The following MAN2B1 variants were observed in gnomAD, a reference collection of about 807,000 sequenced individuals.
MAN2B1 encodes the protein lysosomal alpha-mannosidase.
A neutral mutation model predicts 127.5 loss-of-function variants in MAN2B1; 99 were observed. That is an observed-to-expected ratio of 0.78 (90% CI 0.66 to 0.92). The LOEUF is 0.92. Ranked by LOEUF, MAN2B1 falls within the 40% of genes least tolerant of loss-of-function variation. The pLI is 0.00. For missense variants in MAN2B1, 1,304 were observed against 1,384.8 expected, an observed-to-expected ratio of 0.94 and a Z score of 0.93; for synonymous variants, 573 against 568.8, an observed-to-expected ratio of 1.01 and a Z score of -0.11.
rs896029570 is a variant in MAN2B1 at position 12,652,372 on chromosome 19, G to A, written c.1919C>T (p.Thr640Ile). Residue 640 changes from threonine to isoleucine, a missense_variant, in exon 15 of 24, where the codon ACC (threonine) becomes ATC (isoleucine). Physicochemically the swap from Thr to Ile is moderately conservative, Grantham distance 89 (BLOSUM62 -1). Transcript: ENST00000456935. The stretch of plus-strand genomic sequence containing the variant: ...GGTGATCTTCCCTTACCAGAAGAAG[G>A]TCTGGCGAACAGGCAGCAGGAGTTG... ...NQQLLLPVRQ[T>I]FFWYNASIGD... The A allele has an allele frequency of 5.6e-6, 9 of 1,613,848 alleles. No individual in the cohort carries two copies. Among genetic ancestry groups the A allele is most frequent in the South Asian group, 3.3e-5 (3 of 91,082 alleles).
At position 12,664,856 on chromosome 19, in the gene MAN2B1, G is replaced by C. The variant is rs1363834626; in HGVS notation, c.566C>G (p.Pro189Arg). 1 of 1,613,846 alleles carries C rather than the reference G, an allele frequency of 6.2e-7. No homozygotes were observed. The highest frequency in any genetic ancestry group is 8.5e-7 in the Non-Finnish European group (1 of 1,179,966). Residue 189 changes from proline (P) to arginine (R), a missense_variant, in exon 4 of 24, where the codon CCC (proline) becomes CGC (arginine). Physicochemically the swap from Pro to Arg is moderately radical, Grantham distance 103. Coordinates refer to ENST00000456935, the MANE Select transcript of MAN2B1 (RefSeq NM_000528.4). Reference sequence around the variant, plus strand: ...GGGGTCAATGTGCCAGGCCACACGGGGTCGCCCATCATTGCCAAATGTGTC... The same window carrying C: ...GGGGTCAATGTGCCAGGCCACACGGCGTCGCCCATCATTGCCAAATGTGTC... ...LEDTFGNDGR[P>R]RVAWHIDPFG...
At chr19:12,652,616 C>G (rs951901174) in intron 14 of MAN2B1, among the ~76,000 whole-genome samples, 156 bp from the exon 15 acceptor site, 16 of 151,486 alleles carry the variant, frequency 1.1e-4, no homozygotes, top group East Asian at 3.9e-4. Context: ...ACTGCACCCC[C>G]CACCTCCCGG....
chr19:12,649,371 G>A lies in MAN2B1; in HGVS notation c.2325C>T (p.Tyr775=). 2 of 1,612,678 alleles carry A rather than the reference G, an allele frequency of 1.2e-6. No homozygotes were observed. The highest frequency in any genetic ancestry group is 1.7e-6 in the Non-Finnish European group (2 of 1,179,352). ...LNQTEPVAGN[Y]YPVNTRIYIT... ...TGTAAATCCGGGTGTTGACTGGATA[G>A]TAGTTTCCTGCCACGGGCTCCGTCT... The change falls in exon 19 of 24, where the codon TAC becomes TAT. Residue 775 remains tyrosine (Y), a synonymous_variant. Coordinates refer to ENST00000456935, the MANE Select transcript of MAN2B1 (RefSeq NM_000528.4).
In MAN2B1 at chr19:12,655,882, C is replaced by T. The variant is rs748206062; in HGVS notation, c.1645-3G>A. 19 of 1,613,086 alleles carry T rather than the reference C, an allele frequency of 1.2e-5. No homozygotes were observed. The highest frequency in any genetic ancestry group is 1.1e-4 in the African/African-American group (8 of 74,726). On this transcript the variant is annotated splice_polypyrimidine_tract_variant and splice_region_variant and intron_variant, in intron 13 of 23. Coordinates refer to ENST00000456935, the MANE Select transcript of MAN2B1 (RefSeq NM_000528.4). The stretch of plus-strand genomic sequence containing the variant: ...TCTGAGCTGGGAAATATTACCACCT[C>T]GGATAAAGGAGGAGGGAAACTGAGT...
rs768711346 is a variant in MAN2B1 at position 12,658,100 on chromosome 19, G to A, written c.1272C>T (p.Asn424=). 2.5e-6 allele frequency: 4 copies of A among 1,613,248 alleles called. No homozygotes were observed. In the South Asian group the frequency reaches 4.4e-5, roughly 18 times the overall value. ...TGTCTCCGGAGCCATAGGGTCCCAC[G>A]TTGGCCGCCAGGCCCACCAGCGCCT... ...QLEALVGLAA[N]VGPYGSGDSA... The change falls in exon 10 of 24, where the codon AAC becomes AAT. Residue 424 remains asparagine, a synonymous_variant. Transcript: ENST00000456935.
chr19:12,647,257 T>A lies in MAN2B1; in HGVS notation c.2899A>T (p.Arg967Trp). The part of the protein sequence containing the change: ...VANQLREAAS[R>W]LKWTTNTGPT... The stretch of plus-strand genomic sequence containing the variant: ...CCTGTGTTTGTTGTCCACTTGAGCC[T>A]GGAGGCTGCCTCGCGGAGCTGGTTG... The change falls in exon 23 of 24, where the codon AGG (arginine) becomes TGG (tryptophan). Residue 967 changes from arginine to tryptophan, a missense_variant. Coordinates refer to ENST00000456935, the MANE Select transcript of MAN2B1 (RefSeq NM_000528.4). This position sits in a 1 kb window ranked among gnomAD's most constrained non-coding sequence, Gnocchi z 4.9. 1.9e-6 allele frequency: 3 copies of A among 1,614,078 alleles called. No homozygotes were observed. Among genetic ancestry groups the A allele is most frequent in the Non-Finnish European group, 2.5e-6 (3 of 1,179,978 alleles).
chr19:12,648,128 T>C, intron 21 of MAN2B1, 47 bp downstream of exon 21: 1 of 1,500,250 alleles, frequency 6.7e-7, no homozygotes, highest in South Asian at 1.2e-5. Flanking sequence ...CCCGGCTCCC[T>C]GGTAGACTTC....
At position 12,652,158 on chromosome 19, in the gene MAN2B1, C is replaced by T; in HGVS notation, c.2041G>A (p.Val681Met). 1 of 1,613,586 alleles carries T rather than the reference C, an allele frequency of 6.2e-7. No individual in the cohort carries two copies. Among genetic ancestry groups the T allele is most frequent in the Non-Finnish European group, 8.5e-7 (1 of 1,179,494 alleles). The stretch of plus-strand genomic sequence containing the variant: ...CATCATTCCTAGTCCCTGACCTTCA[C>T]CAGGTGGATCTGAGCCCAGCGGCTC... ...PVSRWAQIHL[V>M]KTPLVQEVHQ... is the part of the protein sequence containing the mutation. The change falls in exon 16 of 24, where the codon GTG becomes ATG. Residue 681 changes from valine to methionine, a missense_variant. Transcript: ENST00000456935.
At position 12,656,778 on chromosome 19, in the gene MAN2B1, A is replaced by C. The variant is rs1234526863; in HGVS notation, c.1528-91T>G. 14 of 1,139,814 alleles carry C rather than the reference A, an allele frequency of 1.2e-5. No individual in the cohort carries two copies. The East Asian group carries it at 2.6e-4, about 21-fold the overall frequency. 70.6% of individuals were successfully genotyped at this position (1,139,814 alleles called of 1,614,324 possible). On this transcript the variant is annotated intron_variant, in intron 12 of 23. Coordinates refer to ENST00000456935, the MANE Select transcript of MAN2B1 (RefSeq NM_000528.4). ...CACAGAAACACCCCTGGCTGGTCCTAGTGTGGTCACGGCACTTAAGGCCAA... is the reference window on the plus strand; with the variant it reads ...CACAGAAACACCCCTGGCTGGTCCTCGTGTGGTCACGGCACTTAAGGCCAA...
chr19:12,656,307 A>G, intron 13 of MAN2B1: 2 of 497,158 alleles, frequency 4.0e-6, no homozygotes, highest in Non-Finnish European at 3.6e-6. Flanking sequence ...AAGTGAGCCA[A>G]GATCGCGCCA....
In MAN2B1 at chr19:12,658,874, T is replaced by G. The variant is rs538385152; in HGVS notation, c.1027-364A>C. On this transcript the variant is annotated intron_variant, in intron 7 of 23. Coordinates refer to ENST00000456935, the MANE Select transcript of MAN2B1 (RefSeq NM_000528.4). ...ACCAAAAAACACAACTTTTTTTTTT[T>G]GGGACGGAGTCTTACTTTGTTGCCC... 2.2e-4 allele frequency: 76 copies of G among 343,758 alleles called. 1 individual carries two copies. The highest frequency in any genetic ancestry group is 1.0e-3 in the Middle Eastern group (1 of 956). The allele number at this position is 343,758 out of a possible 1,614,324, so 21.3% of individuals were successfully genotyped here.
rs147437282 is a variant in MAN2B1 at position 12,656,525 on chromosome 19, C to G, written c.1644+46G>C. On this transcript the variant is annotated intron_variant, in intron 13 of 23. Coordinates refer to ENST00000456935, the MANE Select transcript of MAN2B1 (RefSeq NM_000528.4). ...CATGGGGGCGATGAGGAAATGCCCA[C>G]TGGGGGAGGAGTCCCAGCGGGGGAA... The G allele has an allele frequency of 2.6e-3, 3,704 of 1,403,244 alleles. 8 individuals are homozygous for G. Among genetic ancestry groups the G allele is most frequent in the Non-Finnish European group, 3.5e-3 (3,456 of 988,648 alleles). 86.9% of individuals were successfully genotyped at this position (1,403,244 alleles called of 1,614,324 possible). A position where few individuals can be genotyped will look rare whatever the true frequency, so the allele number is the denominator to read the frequency against.
rs778554304 is a variant in MAN2B1, at chr19:12,658,337, T to A, written c.1117A>T (p.Lys373Ter). 6.2e-7 allele frequency: 1 copy of A among 1,614,102 alleles called. No individual in the cohort carries two copies. Among genetic ancestry groups the A allele is most frequent in the African/African-American group, 1.3e-5 (1 of 74,930 alleles). The change falls in exon 9 of 24, where the codon AAA becomes TAA. Residue 373 changes from lysine (K) to a stop codon, truncating the protein, a stop_gained. Transcript: ENST00000456935. LOFTEE classifies it high-confidence loss of function. The stretch of plus-strand genomic sequence containing the variant: ...GCGTAAGGGAAGAAGTCGTCATGTT[T>A]CACTGACCTACAGCGGCAGGGGCAT... ...LNKANLTWSV[K>*]HDDFFPYADG...
chr19:12,654,258 G>A (rs1373817358), intron 14 of MAN2B1, among the ~76,000 whole-genome samples: 1 of 151,936 alleles, frequency 6.6e-6, no homozygotes, highest in Non-Finnish European at 1.5e-5. Context: ...TAGCCAGGAT[G>A]GTCTCCATCT....
In MAN2B1 at chr19:12,666,673, A is replaced by C. The variant is rs1169325876; in HGVS notation, c.29T>G (p.Val10Gly). The C allele has an allele frequency of 6.4e-7, 1 of 1,551,320 alleles. No homozygotes were observed. The highest frequency in any genetic ancestry group is 8.7e-7 in the Non-Finnish European group (1 of 1,147,706). Reference sequence around the variant, plus strand: ...TGAGTCCAGGCAGCCGCGAGCGCAGACCCCCGAAGCCCGCGCGTAGGCGCC... The same window carrying C: ...TGAGTCCAGGCAGCCGCGAGCGCAGCCCCCCGAAGCCCGCGCGTAGGCGCC... Reference protein sequence around the residue: MGAYARASGVCARGCLDSAG... With the variant: MGAYARASGGCARGCLDSAG... Residue 10 changes from valine (V) to glycine (G), a missense_variant, in exon 1 of 24, where the codon GTC becomes GGC. Physicochemically the swap from Val to Gly is moderately radical, Grantham distance 109 (BLOSUM62 -3). Transcript: ENST00000456935.
Position 12,649,157 on chromosome 19 carries a change from T to C in MAN2B1, c.2415A>G (p.Arg805=). Residue 805 remains arginine, a synonymous_variant, in exon 20 of 24, where the codon AGA becomes AGG. Coordinates refer to ENST00000456935, the MANE Select transcript of MAN2B1 (RefSeq NM_000528.4). ...TCACCATGAGCTCCAGCGAGCCATC[T>C]CTCAGGCTGCTGCCCCCCTGGGAGC... ...TDRSQGGSSL[R]DGSLELMVHR... 1.9e-6 allele frequency: 3 copies of C among 1,612,418 alleles called. No individual in the cohort carries two copies. Among genetic ancestry groups the C allele is most frequent in the Non-Finnish European group, 2.5e-6 (3 of 1,179,968 alleles).
rs761293269 is a variant in MAN2B1, at chr19:12,650,144, G to A, written c.2125C>T (p.His709Tyr). 1.9e-6 allele frequency: 3 copies of A among 1,614,044 alleles called. No individual in the cohort carries two copies. The highest frequency in any genetic ancestry group is 2.5e-6 in the Non-Finnish European group (3 of 1,180,010). ...CCCACCGACCACTCTAGCTCCAGGT[G>A]CCGCTGTCCTGGGTACAGGCGAACC... The part of the protein sequence containing the change: ...QVVRLYPGQR[H>Y]LELEWSVGPI... Residue 709 changes from histidine to tyrosine, a missense_variant, in exon 17 of 24, where the codon CAC (histidine) becomes TAC (tyrosine). His to Tyr is a moderately conservative substitution (Grantham distance 83, BLOSUM62 2). Coordinates refer to ENST00000456935, the MANE Select transcript of MAN2B1 (RefSeq NM_000528.4).
At chr19:12,656,543 CGG>C (rs771530062) in intron 13 of MAN2B1, 26 bp downstream of exon 13, 1 of 1,518,134 alleles carries the variant, frequency 6.6e-7, no homozygotes, top group Non-Finnish European at 9.2e-7. Context: ...GGAGTCCCAG[CGG>C]GGGAATATTC....
chr19:12,650,835 A>G (rs1358171239), intron 16 of MAN2B1, among the ~76,000 whole-genome samples: 1 of 150,976 alleles, frequency 6.6e-6, no homozygotes, highest in South Asian at 2.1e-4. Flanking sequence ...ACCCCTGGCT[A>G]ATTTTTGTAT....
Sources: gnomAD v4.1 joint callset for allele counts (sites outside exome capture counted in the v4.1 genomes callset) on GRCh38, gnomAD v4.1.1 for gene constraint, Gnocchi (gnomAD v3.1) non-coding constraint, MANE v1.5 for transcripts, NCBI Gene and HGNC (gene_info 2026-07-23, HGNC 2026-07-21) for gene names.